Variants in ABCG5 observed in about 807,000 individuals in gnomAD.
ABCG5 encodes the protein ATP binding cassette subfamily G member 5.
In ABCG5, 64 loss-of-function variants were observed where a neutral mutation model predicts 64.5. The observed-to-expected ratio is 0.99, with a 90% CI of 0.81 to 1.22. The LOEUF (loss-of-function observed/expected upper bound fraction) is 1.22, where lower values mean the gene tolerates loss of function less well. ABCG5 is among the 50% of genes most tolerant of loss of function. ABCG5 has a pLI of 0.00. For synonymous variants in ABCG5, 385 were observed against 326.3 expected (o/e 1.18, Z -1.94); for missense variants, 908 against 829.5 (o/e 1.09, Z -1.16).
rs200416765 is a variant in ABCG5, at chr2:43,825,036, G to A, written c.775-18C>T. On this transcript the variant is annotated intron_variant, in intron 6 of 12. Transcript: ENST00000405322. ...TCAAAGAGCTGACCAGACAACAGAC[G>A]TAGTTAGTGTGTGATCACAAGGGTA... 5.8e-4 allele frequency: 940 copies of A among 1,612,748 alleles called. No individual in the cohort carries two copies. Among genetic ancestry groups the A allele is most frequent in the Non-Finnish European group, 7.4e-4 (876 of 1,179,322 alleles).
At position 43,838,582 on chromosome 2, in the gene ABCG5, G is replaced by A. The variant is rs778605187; in HGVS notation, c.98C>T (p.Pro33Leu). Reference sequence around the variant, plus strand: ...GAGGATGCCCAGGCTGTGAGGCTCCGGGGCGGTGGCAGGAGCCCCCTCCAG... The same window carrying A: ...GAGGATGCCCAGGCTGTGAGGCTCCAGGGCGGTGGCAGGAGCCCCCTCCAG... ...SSLEGAPATA[P>L]EPHSLGILHA... The change falls in exon 1 of 13, where the codon CCG becomes CTG. Residue 33 changes from proline (P) to leucine (L), a missense_variant. Physicochemically the swap from Pro to Leu is moderately conservative, Grantham distance 98. Transcript: ENST00000405322. The surrounding 1 kb of genome is among the most constrained non-coding windows in gnomAD (Gnocchi z 4.2). 32 of 1,610,172 alleles carry A rather than the reference G, an allele frequency of 2.0e-5. No individual in the cohort carries two copies. The highest frequency in any genetic ancestry group is 2.1e-5 in the Non-Finnish European group (25 of 1,178,844).
intron 5 of ABCG5, among the ~76,000 whole-genome samples, chr2:43,827,071 T>C (rs1417625625): frequency 6.6e-6 from 1 of 152,224 alleles, no homozygotes; most frequent in African/African-American, 2.4e-5. Context: ...ACGCCTGTAA[T>C]GCCAACACTT....
At chr2:43,834,532 G>A (rs1213635074) in intron 2 of ABCG5, among the ~76,000 whole-genome samples, 3 of 152,022 alleles carry the variant, frequency 2.0e-5, no homozygotes, top group African/African-American at 7.3e-5. Flanking sequence ...AATGAATTTA[G>A]TTTTTTAAAA....
In ABCG5 at chr2:43,832,027, T is replaced by G; in HGVS notation, c.322A>C (p.Thr108Pro). Residue 108 changes from threonine to proline, a missense_variant, in exon 3 of 13, where the codon ACC becomes CCC. Thr to Pro is a conservative substitution (Grantham distance 38). Transcript: ENST00000405322. ...TTCACATACACCTCCCCCAGGAAGG[T>G]CCCCGCGCGCCCCAGCCTCCCGGAC... ...AMSGRLGRAGTFLGEVYVNGR... is the reference protein window; with the variant it reads ...AMSGRLGRAGPFLGEVYVNGR... 6.4e-7 allele frequency: 1 copy of G among 1,572,436 alleles called. No homozygotes were observed. The highest frequency in any genetic ancestry group is 8.6e-7 in the Non-Finnish European group (1 of 1,159,356).
At position 43,813,096 on chromosome 2, in the gene ABCG5, T is replaced by C; in HGVS notation, c.*20A>G. 1 of 993,702 alleles carries C rather than the reference T, an allele frequency of 1.0e-6. No homozygotes were observed. The highest frequency in any genetic ancestry group is 1.6e-6 in the Non-Finnish European group (1 of 613,542). 61.6% of individuals were successfully genotyped at this position (993,702 alleles called of 1,614,324 possible). On this transcript the variant is annotated 3_prime_UTR_variant, in exon 13 of 13. Coordinates refer to ENST00000405322, the MANE Select transcript of ABCG5 (RefSeq NM_022436.3). Reference sequence around the variant, plus strand: ...GCACAGTCGGCAGCTTCACTTCCATTTTCCCAGCCATGGCTTTCACTACCT... The same window carrying C: ...GCACAGTCGGCAGCTTCACTTCCATCTTCCCAGCCATGGCTTTCACTACCT...
chr2:43,833,363 ATAT>A (rs67113914), intron 2 of ABCG5, among the ~76,000 whole-genome samples: 48,242 of 143,976 alleles, frequency 0.34, 8,487 homozygotes, highest in East Asian at 0.69. Flanking sequence ...TTTTGTTGAA[ATAT>A]TATTATTATT....
Position 43,838,647 on chromosome 2 carries a change from C to T in ABCG5, c.33G>A (p.Gly11=). Residue 11 remains glycine, a synonymous_variant, in exon 1 of 13, where the codon GGG becomes GGA. Transcript: ENST00000405322. This position sits in a 1 kb window ranked among gnomAD's most constrained non-coding sequence, Gnocchi z 4.2. ...CTCTGTTTACTTGGAGACCCATGGA[C>T]CCTCCGGGGGTCAAAGATGAGAGGT... MGDLSSLTPG[G]SMGLQVNRGS... The T allele has an allele frequency of 6.2e-7, 1 of 1,613,682 alleles. No homozygotes were observed. Among genetic ancestry groups the T allele is most frequent in the Non-Finnish European group, 8.5e-7 (1 of 1,179,972 alleles).
chr2:43,827,574 T>C (rs1667696658), intron 5 of ABCG5, among the ~76,000 whole-genome samples: 1 of 152,168 alleles, frequency 6.6e-6, no homozygotes, highest in East Asian at 1.9e-4. Context: ...ATATACACTT[T>C]TGAGTTTATC....
chr2:43,826,221 A>G (rs570811639), intron 6 of ABCG5, among the ~76,000 whole-genome samples, 161 bp downstream of exon 6: 2 of 151,436 alleles, frequency 1.3e-5, no homozygotes, highest in South Asian at 4.2e-4. Flanking sequence ...GATGGACTCA[A>G]ACTCCTGGCC....
At chr2:43,823,652 ACTC>A (rs1469045562) in intron 9 of ABCG5, among the ~76,000 whole-genome samples, 1 of 149,366 alleles carries the variant, frequency 6.7e-6, no homozygotes, top group African/African-American at 2.5e-5. Context: ...CTTTTGAAAA[ACTC>A]CTCAAACTCT....
intron 4 of ABCG5, chr2:43,828,569 G>A (rs1319731957): frequency 2.9e-6 from 1 of 344,574 alleles, no homozygotes; most frequent in Admixed American, 4.2e-5. Flanking sequence ...TGCTTAGGCA[G>A]GAGGATCGCT....
downstream of ABCG5, among the ~76,000 whole-genome samples, chr2:43,808,783 C>T (rs1366637426): frequency 6.6e-6 from 1 of 152,178 alleles, no homozygotes; most frequent in East Asian, 1.9e-4. Flanking sequence ...TTTTTGCTGG[C>T]TGCCTTGGAA....
At chr2:43,829,887 C>A (rs78621278) in intron 4 of ABCG5, among the ~76,000 whole-genome samples, 5 of 152,034 alleles carry the variant, frequency 3.3e-5, no homozygotes, top group Non-Finnish European at 7.4e-5. Context: ...CTTTGACCCA[C>A]CCAAAGAATG....
intron 7 of ABCG5, 169 bp downstream of exon 7, chr2:43,824,720 G>C: frequency 1.1e-6 from 1 of 922,684 alleles, no homozygotes; most frequent in African/African-American, 1.8e-5. Flanking sequence ...CATTCTGATA[G>C]TCATCTCTGG....
At chr2:43,812,274 G>A (rs536414404), downstream of ABCG5, among the ~76,000 whole-genome samples, 200 of 150,930 alleles carry the variant, frequency 1.3e-3, 1 homozygote, top group African/African-American at 4.4e-3. Context: ...GCCTTAATGG[G>A]GTTATTTCTC....
Position 43,820,051 on chromosome 2 carries a change from C to T in ABCG5, c.1513G>A (p.Ala505Thr), listed in dbSNP as rs1443734023. The stretch of plus-strand genomic sequence containing the variant: ...CCAATTAAGTGGGGGGCCAAGAGAG[C>T]AGCAGAAAAATATCCAAATCGGGCA... The part of the protein sequence containing the change: ...EVARFGYFSA[A>T]LLAPHLIGEF... Residue 505 changes from alanine (A) to threonine (T), a missense_variant, in exon 11 of 13, where the codon GCT becomes ACT. By Grantham distance (58) the Ala-to-Thr change is moderately conservative. Coordinates refer to ENST00000405322, the MANE Select transcript of ABCG5 (RefSeq NM_022436.3). The T allele has an allele frequency of 6.2e-7, 1 of 1,614,036 alleles. No homozygotes were observed. Among genetic ancestry groups the T allele is most frequent in the Non-Finnish European group, 8.5e-7 (1 of 1,180,042 alleles).
chr2:43,815,201 AAT>A (rs1247100890), intron 11 of ABCG5, among the ~76,000 whole-genome samples: 2 of 152,238 alleles, frequency 1.3e-5, no homozygotes, highest in Non-Finnish European at 2.9e-5. Context: ...GTGAAAATGA[AAT>A]ATGTCTCCTC....
chr2:43,832,077 C>T lies in ABCG5; in HGVS notation c.272G>A (p.Gly91Glu), dbSNP rs749587717. The change falls in exon 3 of 13, where the codon GGG (glycine) becomes GAG (glutamate). Residue 91 changes from glycine (G) to glutamate (E), a missense_variant. Transcript: ENST00000405322. ...IMCILGSSGS[G>E]KTTLLDAMSG... ...CATGGCGTCCAGCAGCGTGGTTTTCCCGGAGCCTGCGGGGCGACAACAGAA... is the reference window on the plus strand; with the variant it reads ...CATGGCGTCCAGCAGCGTGGTTTTCTCGGAGCCTGCGGGGCGACAACAGAA... 12 of 1,579,082 alleles carry T rather than the reference C, an allele frequency of 7.6e-6. No homozygotes were observed. The highest frequency in any genetic ancestry group is 1.0e-5 in the Non-Finnish European group (12 of 1,163,066).
intron 11 of ABCG5, among the ~76,000 whole-genome samples, chr2:43,818,492 A>C (rs1341916977): frequency 6.6e-6 from 1 of 152,174 alleles, no homozygotes; most frequent in African/African-American, 2.4e-5. Context: ...AACGAGTATC[A>C]CTTTCTCAAA....
Sources: allele counts gnomAD v4.1 joint callset (sites outside exome capture counted in the v4.1 genomes callset), GRCh38; gene constraint gnomAD v4.1.1; non-coding constraint Gnocchi (gnomAD v3.1); transcripts MANE v1.5; gene names NCBI Gene and HGNC (gene_info 2026-07-23, HGNC 2026-07-21).